The following NSFL1C variants were observed in gnomAD, a reference collection of about 807,000 sequenced individuals.
NSFL1C encodes the protein NSFL1 cofactor p47.
NSFL1C carries 14 observed loss-of-function variants against 43.1 expected under a neutral mutation model. The ratio of observed to expected loss-of-function variants is 0.32; its 90% CI spans 0.21 to 0.51. The LOEUF (loss-of-function observed/expected upper bound fraction) is 0.51, where lower values mean the gene tolerates loss of function less well. NSFL1C is among the 20% of genes least tolerant of loss of function. NSFL1C has a pLI of 0.98. For missense variants in NSFL1C, 406 were observed against 472.5 expected, an observed-to-expected ratio of 0.86 and a Z score of 1.30; for synonymous variants, 171 against 183.5, an observed-to-expected ratio of 0.93 and a Z score of 0.55.
At chr20:1,456,713 G>C (rs1055032726) in intron 3 of NSFL1C, 9 of 152,134 alleles carry the variant, frequency 5.9e-5, no homozygotes, top group Admixed American at 6.5e-5. Flanking sequence ...CTGTGATCAA[G>C]AGCCTTAAAA....
chr20:1,448,704 C>G (rs561402099), intron 7 of NSFL1C, among the ~76,000 whole-genome samples: 1 of 152,266 alleles, frequency 6.6e-6, no homozygotes, highest in South Asian at 2.1e-4. Context: ...CTTACTTAAC[C>G]CACAGGCTTA....
chr20:1,450,933 G>C (rs182472250), intron 7 of NSFL1C, among the ~76,000 whole-genome samples: 52 of 152,182 alleles, frequency 3.4e-4, no homozygotes, highest in African/African-American at 1.2e-3. Context: ...CACTGATAAA[G>C]TAAAAAGCAG....
intron 7 of NSFL1C, 70 bp from the exon 8 acceptor site, chr20:1,445,900 G>T: frequency 6.6e-7 from 1 of 1,506,886 alleles, no homozygotes; most frequent in African/African-American, 1.4e-5. Flanking sequence ...ATCCCTTCTT[G>T]GACTGTTACT....
chr20:1,445,631 T>A (rs1234055720), intron 8 of NSFL1C, 35 bp downstream of exon 8: 6 of 1,608,834 alleles, frequency 3.7e-6, no homozygotes, highest in Non-Finnish European at 5.1e-6. Flanking sequence ...CAGAGGACAC[T>A]CCTAGAATAA....
chr20:1,445,584 G>T, intron 8 of NSFL1C, 82 bp downstream of exon 8: 1 of 1,497,082 alleles, frequency 6.7e-7, no homozygotes, highest in Non-Finnish European at 9.2e-7. Flanking sequence ...TTAGGAGGAA[G>T]AACGGCTCTC....
At chr20:1,446,288 A>G in intron 7 of NSFL1C, 1 of 244,544 alleles carries the variant, frequency 4.1e-6, no homozygotes, top group Non-Finnish European at 8.3e-6. Context: ...GGTGAGTGGC[A>G]GGATGCAGGC....
At chr20:1,464,568 G>T in intron 1 of NSFL1C, 142 bp from the exon 2 acceptor site, 1 of 623,716 alleles carries the variant, frequency 1.6e-6, no homozygotes, top group Non-Finnish European at 2.8e-6. Flanking sequence ...TAGACCAGAA[G>T]GTTAACAGCT....
intron 7 of NSFL1C, among the ~76,000 whole-genome samples, chr20:1,450,833 T>G (rs116328302): frequency 6.6e-6 from 1 of 152,224 alleles, no homozygotes; most frequent in South Asian, 2.1e-4. Context: ...CTGGTTAAAT[T>G]ATGGCACATT....
intron 2 of NSFL1C, among the ~76,000 whole-genome samples, chr20:1,462,402 T>C (rs906566093): frequency 6.6e-6 from 1 of 152,244 alleles, no homozygotes; most frequent in Non-Finnish European, 1.5e-5. Flanking sequence ...CTAAGCCTAC[T>C]ACCAAGTCTG....
In NSFL1C at chr20:1,445,748, C is replaced by G; in HGVS notation, c.868G>C (p.Asp290His). 6.2e-7 allele frequency: 1 copy of G among 1,613,654 alleles called. No individual in the cohort carries two copies. The highest frequency in any genetic ancestry group is 8.5e-7 in the Non-Finnish European group (1 of 1,179,912). The change falls in exon 8 of 9, where the codon GAC (aspartate) becomes CAC (histidine). Residue 290 changes from aspartate (D) to histidine (H), a missense_variant. This residue lies in a region of NSFL1C where 196 missense variants were observed against 228.0 expected (regional missense o/e 0.86). Transcript: ENST00000216879. ...ATGTTTGTGGTAGGCTCTGATTCGT[C>G]GATTAAGATGGAAGAGCTGGCTTTG... ...EAKASSSILI[D>H]ESEPTTNIQI...
At position 1,452,614 on chromosome 20, in the gene NSFL1C, G is replaced by C. The variant is rs145945037; in HGVS notation, c.664C>G (p.Leu222Val). ...TGTCCACCGTGAGCTAGCCTCCGAA[G>C]CTCTGCTGGCACCTCCCTGTGGAAG... ...SIRRGEVPAE[L>V]RRLAHGGQVN... The change falls in exon 7 of 9, where the codon CTT becomes GTT. Residue 222 changes from leucine (L) to valine (V), a missense_variant. By Grantham distance (32) the Leu-to-Val change is conservative. Coordinates refer to ENST00000216879, the MANE Select transcript of NSFL1C (RefSeq NM_016143.5). 1 of 1,614,052 alleles carries C rather than the reference G, an allele frequency of 6.2e-7. No individual in the cohort carries two copies. The highest frequency in any genetic ancestry group is 1.7e-5 in the Admixed American group (1 of 60,004).
intron 5 of NSFL1C, among the ~76,000 whole-genome samples, 176 bp downstream of exon 5, chr20:1,454,037 G>C (rs2090242136): frequency 6.6e-6 from 1 of 152,126 alleles, no homozygotes; most frequent in Non-Finnish European, 1.5e-5. Flanking sequence ...CAGCACCCAG[G>C]AAACCTCCTT....
chr20:1,460,281 C>T (rs1196591537), intron 2 of NSFL1C, among the ~76,000 whole-genome samples: 1 of 152,170 alleles, frequency 6.6e-6, no homozygotes, highest in East Asian at 1.9e-4. Flanking sequence ...GGAGCATCAG[C>T]ATTACAGTGA....
intron 1 of NSFL1C, among the ~76,000 whole-genome samples, chr20:1,465,277 G>A (rs1023175415): frequency 6.6e-6 from 1 of 152,200 alleles, no homozygotes; most frequent in African/African-American, 2.4e-5. Flanking sequence ...ACAGGAGACA[G>A]TGAGCTGTCA....
At chr20:1,459,060 G>A (rs1173025833) in intron 2 of NSFL1C, among the ~76,000 whole-genome samples, 1 of 152,132 alleles carries the variant, frequency 6.6e-6, no homozygotes, top group Non-Finnish European at 1.5e-5. Flanking sequence ...GTTTTTCAAG[G>A]ATCATAAGAC....
At chr20:1,464,543 T>C (rs964165293) in intron 1 of NSFL1C, 117 bp from the exon 2 acceptor site, 7 of 757,006 alleles carry the variant, frequency 9.2e-6, no homozygotes, top group African/African-American at 5.2e-5. Context: ...CTTGCATCCA[T>C]GGGCCAAAGA....
chr20:1,453,380 T>G (rs1427720184), intron 5 of NSFL1C, among the ~76,000 whole-genome samples: 2 of 152,186 alleles, frequency 1.3e-5, no homozygotes, highest in Non-Finnish European at 2.9e-5. Flanking sequence ...ACACCTGAGG[T>G]TGCATCTTGA....
At position 1,454,954 on chromosome 20, in the gene NSFL1C, C is replaced by G; in HGVS notation, c.444+13G>C. ...TCAGTCCTGTGGGCACAGACAATGA[C>G]CCTTATACTCACTCTCGGTTTACTG... On this transcript the variant is annotated intron_variant, in intron 4 of 8. Coordinates refer to ENST00000216879, the MANE Select transcript of NSFL1C (RefSeq NM_016143.5). The G allele has an allele frequency of 1.2e-6, 2 of 1,612,162 alleles. No homozygotes were observed. The highest frequency in any genetic ancestry group is 1.7e-6 in the Non-Finnish European group (2 of 1,179,538).
At chr20:1,453,010 C>T (rs768391340) in intron 6 of NSFL1C, 21 bp downstream of exon 6, 1 of 1,355,404 alleles carries the variant, frequency 7.4e-7, no homozygotes, top group Non-Finnish European at 1.1e-6. Context: ...TTGGGACCTA[C>T]AGGAGGGCTT....
Sources: gnomAD v4.1 joint callset for allele counts (sites outside exome capture counted in the v4.1 genomes callset) on GRCh38, gnomAD v4.1.1 for gene constraint, gnomAD v4.1.1 regional missense constraint, MANE v1.5 for transcripts, NCBI Gene and HGNC (gene_info 2026-07-23, HGNC 2026-07-21) for gene names.